Variants in ABCA9 observed in about 807,000 individuals in gnomAD.
The protein encoded by ABCA9 is ATP binding cassette subfamily A member 9.
In ABCA9, 183 loss-of-function variants were observed where a neutral mutation model predicts 205.3. The observed-to-expected ratio is 0.89, with a 90% CI of 0.79 to 1.01. The LOEUF is 1.01. ABCA9 is among the 50% of genes least tolerant of loss of function. The pLI is 0.00. For missense variants in ABCA9, 1,805 were observed against 1,912.4 expected, an observed-to-expected ratio of 0.94 and a Z score of 1.05; for synonymous variants, 651 against 683.3, an observed-to-expected ratio of 0.95 and a Z score of 0.74.
At chr17:68,982,069 A>G (rs1485226399) in intron 37 of ABCA9, among the ~76,000 whole-genome samples, 1 of 151,884 alleles carries the variant, frequency 6.6e-6, no homozygotes, top group Non-Finnish European at 1.5e-5. Flanking sequence ...CTAAACAGAG[A>G]CAGGAACCTC....
intron 20 of ABCA9, 154 bp downstream of exon 20, chr17:69,018,259 C>T (rs990270883): frequency 9.7e-6 from 6 of 618,922 alleles, no homozygotes; most frequent in African/African-American, 3.9e-5. Flanking sequence ...TCTCCCATGT[C>T]GTATTTTTCA....
intron 3 of ABCA9, 92 bp downstream of exon 3, chr17:69,049,191 T>G: frequency 7.6e-7 from 1 of 1,322,258 alleles, no homozygotes; most frequent in Non-Finnish European, 1.0e-6. Flanking sequence ...TCTAGAAACT[T>G]GAACATTCAA....
At chr17:69,042,396 G>A (rs1567967414) in intron 6 of ABCA9, 1 of 152,202 alleles carries the variant, frequency 6.6e-6, no homozygotes, top group Non-Finnish European at 1.5e-5. Context: ...GCTACTGAAT[G>A]CTGAGATGGA....
chr17:69,014,320 T>C (rs1401684099), intron 22 of ABCA9, among the ~76,000 whole-genome samples: 3 of 151,566 alleles, frequency 2.0e-5, no homozygotes, highest in Non-Finnish European at 2.9e-5. Context: ...AAACATTGAA[T>C]AAAAATATCT....
the ABCA9 span, among the ~76,000 whole-genome samples, chr17:69,078,214 T>TG: frequency 1.3e-5 from 2 of 149,924 alleles, no homozygotes; most frequent in Non-Finnish European, 1.5e-5. Context: ...TTTGTTGTTT[T>TG]TTTTTTTTTT....
the ABCA9 span, chr17:69,078,866 A>G: frequency 1.5e-6 from 1 of 648,796 alleles, no homozygotes; most frequent in South Asian, 3.1e-5. Flanking sequence ...TTTACAAAAT[A>G]TACCTGATGT....
chr17:69,049,959 G>T (rs900668329), intron 2 of ABCA9, among the ~76,000 whole-genome samples: 1 of 151,944 alleles, frequency 6.6e-6, no homozygotes, highest in East Asian at 1.9e-4. Flanking sequence ...AAGTTTTTTT[G>T]AATGTGGTCA....
intron 3 of ABCA9, among the ~76,000 whole-genome samples, chr17:69,046,444 A>C (rs143989452): frequency 1.3e-5 from 2 of 152,272 alleles, no homozygotes; most frequent in African/African-American, 4.8e-5. Flanking sequence ...TGAGAGGCTT[A>C]TAATTTCTAG....
chr17:69,027,301 A>C, intron 14 of ABCA9, 29 bp downstream of exon 14: 1 of 1,608,178 alleles, frequency 6.2e-7, no homozygotes, highest in Non-Finnish European at 8.5e-7. Context: ...CTTCAATCTG[A>C]TTTCACCAGT....
At chr17:68,995,221 A>G (rs1283458194) in intron 26 of ABCA9, among the ~76,000 whole-genome samples, 1 of 152,098 alleles carries the variant, frequency 6.6e-6, no homozygotes, top group Non-Finnish European at 1.5e-5. Flanking sequence ...ACACACCCTT[A>G]TGAGCGTCTG....
the ABCA9 span, among the ~76,000 whole-genome samples, chr17:69,066,756 A>G: frequency 6.6e-6 from 1 of 152,214 alleles, no homozygotes; most frequent in African/African-American, 2.4e-5. Flanking sequence ...GAACAAACCA[A>G]CAGATGTGCT....
At chr17:68,999,946 T>C (rs1033534462) in intron 25 of ABCA9, among the ~76,000 whole-genome samples, 4 of 152,226 alleles carry the variant, frequency 2.6e-5, no homozygotes, top group Admixed American at 6.5e-5. Context: ...TGTCTGTTCA[T>C]GTCCTTCGCC....
In ABCA9 at chr17:68,989,717, G is replaced by A; in HGVS notation, c.3955+96C>T. ...GGAGCAGGCTTAGCCTGCTGCGTTT[G>A]TCAATAGATGTCCCCAGATTCAGAT... is the stretch of plus-strand genomic sequence containing the variant. On this transcript the variant is annotated intron_variant, in intron 30 of 38. Coordinates refer to ENST00000340001, the MANE Select transcript of ABCA9 (RefSeq NM_080283.4). The A allele has an allele frequency of 3.9e-6, 3 of 761,698 alleles. No individual in the cohort carries two copies. The South Asian group carries it at 5.5e-5, about 14-fold the overall frequency. The allele number at this position is 761,698 out of a possible 1,614,324, so 47.2% of individuals were successfully genotyped here. A position where few individuals can be genotyped will look rare whatever the true frequency, so the allele number is the denominator to read the frequency against.
At chr17:69,036,397 C>T (rs2071339547) in intron 6 of ABCA9, among the ~76,000 whole-genome samples, 1 of 151,988 alleles carries the variant, frequency 6.6e-6, no homozygotes, top group African/African-American at 2.4e-5. Flanking sequence ...TTTTCCCAAG[C>T]ATTTATAAAT....
At chr17:69,036,742 A>G (rs140817737) in intron 6 of ABCA9, among the ~76,000 whole-genome samples, 8 of 151,916 alleles carry the variant, frequency 5.3e-5, no homozygotes, top group Admixed American at 2.0e-4. Context: ...GCCAGTATCC[A>G]ATTTGCCGAA....
At chr17:69,031,729 A>G (rs7215642) in intron 10 of ABCA9, among the ~76,000 whole-genome samples, 89,998 of 151,984 alleles carry the variant, frequency 0.59, 27,801 homozygotes, top group Middle Eastern at 0.73. Flanking sequence ...GATGAGAGGG[A>G]CAAATTGAAT....
chr17:69,027,424 T>G lies in ABCA9; in HGVS notation c.1817A>C (p.Glu606Ala), dbSNP rs925648820. Reference sequence around the variant, plus strand: ...AAGGATGTCTTGAATATTTTCCATTTCTAATTCCTGTACAACTCGTTGTAC... The same window carrying G: ...AAGGATGTCTTGAATATTTTCCATTGCTAATTCCTGTACAACTCGTTGTAC... ...KEVQRVVQEL[E>A]MENIQDILAQ... The change falls in exon 14 of 39, where the codon GAA becomes GCA. Residue 606 changes from glutamate to alanine, a missense_variant. Physicochemically the swap from Glu to Ala is moderately radical, Grantham distance 107. Coordinates refer to ENST00000340001, the MANE Select transcript of ABCA9 (RefSeq NM_080283.4). The G allele has an allele frequency of 1.2e-6, 2 of 1,612,896 alleles. No individual in the cohort carries two copies. Among genetic ancestry groups the G allele is most frequent in the Admixed American group, 1.7e-5 (1 of 59,924 alleles).
At chr17:69,022,152 G>A (rs1223660078) in intron 17 of ABCA9, 1 of 156,012 alleles carries the variant, frequency 6.4e-6, no homozygotes, top group African/African-American at 2.4e-5. Flanking sequence ...ATATTACAGG[G>A]AGTGTTTAAT....
the ABCA9 span, chr17:69,078,870 C>T: frequency 1.5e-5 from 10 of 647,900 alleles, no homozygotes; most frequent in Admixed American, 7.3e-5. Context: ...CAAAATATAC[C>T]TGATGTTAAT....
Sources: gnomAD v4.1 joint callset for allele counts (sites outside exome capture counted in the v4.1 genomes callset) on GRCh38, gnomAD v4.1.1 for gene constraint, MANE v1.5 for transcripts, NCBI Gene and HGNC (gene_info 2026-07-23, HGNC 2026-07-21) for gene names.